The following TLN2 variants were observed in gnomAD, a reference collection of about 807,000 sequenced individuals.
The protein encoded by TLN2 is talin-2.
In TLN2, 118 loss-of-function variants were observed where a neutral mutation model predicts 294.7. The ratio of observed to expected loss-of-function variants is 0.40; its 90% CI spans 0.34 to 0.47. The LOEUF (loss-of-function observed/expected upper bound fraction) is 0.47, where lower values mean the gene tolerates loss of function less well. TLN2 is among the 20% of genes least tolerant of loss of function. The pLI is 0.84. For synonymous variants in TLN2, 1,431 were observed against 1,304.5 expected (o/e 1.10, Z -2.09); for missense variants, 3,083 against 3,282.2 (o/e 0.94, Z 1.48).
intron 23 of TLN2, among the ~76,000 whole-genome samples, chr15:62,716,938 TG>T (rs2059814765): frequency 1.5e-5 from 1 of 65,118 alleles, no homozygotes; most frequent in African/African-American, 3.1e-5. Flanking sequence ...GCAAAAACTA[TG>T]TTTTTTTTTT....
At chr15:62,481,630 G>C (rs996458357) in intron 1 of TLN2, among the ~76,000 whole-genome samples, 3 of 151,704 alleles carry the variant, frequency 2.0e-5, no homozygotes, top group South Asian at 2.1e-4. Context: ...CAAAGTGCTG[G>C]GATTACAGGC....
chr15:62,700,278 T>C (rs2058634552), intron 16 of TLN2, among the ~76,000 whole-genome samples: 1 of 152,182 alleles, frequency 6.6e-6, no homozygotes, highest in Non-Finnish European at 1.5e-5. Flanking sequence ...ATCCTGAACA[T>C]AGATGAGTAT....
intron 1 of TLN2, among the ~76,000 whole-genome samples, chr15:62,391,967 G>A (rs1273893739): frequency 6.6e-6 from 1 of 152,270 alleles, no homozygotes. Context: ...TGGGTGCTCC[G>A]AGGGGCGCAG....
chr15:62,663,516 C>T (rs1054464736), intron 9 of TLN2, among the ~76,000 whole-genome samples: 3 of 151,186 alleles, frequency 2.0e-5, no homozygotes, highest in Non-Finnish European at 2.9e-5. Context: ...GGATTATCTA[C>T]ATAGATAATC....
intron 10 of TLN2, among the ~76,000 whole-genome samples, chr15:62,674,997 T>C (rs1003005948): frequency 1.3e-5 from 2 of 152,250 alleles, no homozygotes; most frequent in Admixed American, 6.5e-5. Context: ...TGTAGGCTGT[T>C]TGGGCTCAAA....
intron 11 of TLN2, among the ~76,000 whole-genome samples, chr15:62,679,376 C>T (rs2056580995): frequency 6.6e-6 from 1 of 152,204 alleles, no homozygotes. Context: ...AACGCATCAC[C>T]TGATGAATGG....
chr15:62,530,055 G>A (rs973044187), intron 1 of TLN2, among the ~76,000 whole-genome samples: 20 of 152,174 alleles, frequency 1.3e-4, no homozygotes, highest in Admixed American at 2.6e-4. Flanking sequence ...GCCGGGCCTT[G>A]TGGCTTGCGC....
Position 62,840,568 on chromosome 15 carries a change from G to C in TLN2, c.7587G>C (p.Gln2529His). 1.2e-6 allele frequency: 2 copies of C among 1,614,170 alleles called. No individual in the cohort carries two copies. The highest frequency in any genetic ancestry group is 2.7e-5 in the African/African-American group (2 of 75,056). The change falls in exon 59 of 59, where the codon CAG becomes CAC. Residue 2529 changes from glutamine to histidine, a missense_variant. Gln to His is a conservative substitution (Grantham distance 24). Transcript: ENST00000636159. The part of the protein sequence containing the change: ...RKKLAQIRQQ[Q>H]YKFLPTELRE... ...AACTGGCCCAAATCCGCCAGCAGCA[G>C]TATAAGTTTTTACCCACCGAGCTGA...
At chr15:62,566,494 AGAG>A (rs1411956938) in intron 1 of TLN2, among the ~76,000 whole-genome samples, 10 of 152,070 alleles carry the variant, frequency 6.6e-5, no homozygotes, top group African/African-American at 2.4e-4. Flanking sequence ...GCCAGAAAAT[AGAG>A]GGATGTGCAT....
At chr15:62,467,882 C>G (rs139172530) in intron 1 of TLN2, among the ~76,000 whole-genome samples, 28 of 152,214 alleles carry the variant, frequency 1.8e-4, no homozygotes, top group Admixed American at 4.6e-4. Context: ...ATAATCCCTG[C>G]GGGGCCAGAT....
At chr15:62,805,525 C>G (rs1322434741) in intron 50 of TLN2, 75 bp from the exon 51 acceptor site, 2 of 1,431,308 alleles carry the variant, frequency 1.4e-6, no homozygotes, top group Non-Finnish European at 1.9e-6. Flanking sequence ...CAAGCTACAG[C>G]CTGGTTGGAG....
intron 52 of TLN2, among the ~76,000 whole-genome samples, chr15:62,811,954 G>C (rs1339396735): frequency 1.3e-5 from 2 of 151,874 alleles, no homozygotes; most frequent in African/African-American, 4.8e-5. Context: ...GGAGGTTGCA[G>C]TGAGTCAAGA....
At chr15:62,645,500 G>A (rs1027974101) in intron 3 of TLN2, among the ~76,000 whole-genome samples, 17 of 152,224 alleles carry the variant, frequency 1.1e-4, no homozygotes, top group Admixed American at 9.2e-4. Context: ...TTGTGAGACC[G>A]TGTAAACCAT....
intron 43 of TLN2, among the ~76,000 whole-genome samples, chr15:62,777,407 A>G (rs2063794264): frequency 6.6e-6 from 1 of 152,034 alleles, no homozygotes; most frequent in Non-Finnish European, 1.5e-5. Flanking sequence ...ATGGTTGCGC[A>G]TGCCCATAAT....
chr15:62,533,091 G>T (rs553300682), intron 1 of TLN2, among the ~76,000 whole-genome samples: 15 of 151,558 alleles, frequency 9.9e-5, no homozygotes, highest in African/African-American at 3.1e-4. Flanking sequence ...CTGTCTCTAT[G>T]AAAAATACAA....
chr15:62,402,137 A>G (rs961837903), intron 1 of TLN2, among the ~76,000 whole-genome samples: 2 of 152,238 alleles, frequency 1.3e-5, no homozygotes, highest in African/African-American at 4.8e-5. Context: ...CAGAAGTTTC[A>G]CAAAACAGTA....
Position 62,708,738 on chromosome 15 carries a change from G to C in TLN2, c.2409G>C (p.Gln803His), listed in dbSNP as rs1227872179. The C allele has an allele frequency of 6.2e-7, 1 of 1,611,236 alleles. No individual in the cohort carries two copies. The highest frequency in any genetic ancestry group is 8.5e-7 in the Non-Finnish European group (1 of 1,180,020). Residue 803 changes from glutamine to histidine, a missense_variant, in exon 21 of 59, where the codon CAG becomes CAC. Gln to His is a conservative substitution (Grantham distance 24, BLOSUM62 0). Transcript: ENST00000636159. ...SRGEPIGRYDQATDTIMCVTE... is the reference protein window; with the variant it reads ...SRGEPIGRYDHATDTIMCVTE... ...GCGAGCCCATCGGCCGCTACGACCA[G>C]GCTACTGACACCATCATGTGTGTCA... is the stretch of plus-strand genomic sequence containing the variant.
At chr15:62,742,787 C>T (rs1035553937) in intron 32 of TLN2, among the ~76,000 whole-genome samples, 5 of 152,136 alleles carry the variant, frequency 3.3e-5, no homozygotes, top group East Asian at 1.9e-4. Flanking sequence ...CTGGCACATT[C>T]TCCTTGGTTT....
At chr15:62,547,054 C>T (rs116769976) in intron 1 of TLN2, among the ~76,000 whole-genome samples, 144 of 152,196 alleles carry the variant, frequency 9.5e-4, no homozygotes, top group African/African-American at 3.1e-3. Flanking sequence ...TGAATCTGGC[C>T]GTTTACCAAA....
Sources: gnomAD v4.1 joint callset for allele counts (sites outside exome capture counted in the v4.1 genomes callset) on GRCh38, gnomAD v4.1.1 for gene constraint, MANE v1.5 for transcripts, NCBI Gene and HGNC (gene_info 2026-07-23, HGNC 2026-07-21) for gene names.